EPC1: variants seen among roughly 807,000 people sequenced by gnomAD.
EPC1 encodes enhancer of polycomb homolog 1.
In EPC1, 12 loss-of-function variants were observed where a neutral mutation model predicts 98.4. The observed-to-expected ratio is 0.12, with a 90% CI of 0.08 to 0.20. The LOEUF is 0.20. Among genes scored for constraint, EPC1 ranks in the 10% least tolerant of loss-of-function variants. The pLI, the probability that EPC1 is intolerant of heterozygous loss-of-function variation, is 1.00. For missense variants in EPC1, 729 were observed against 990.5 expected, an observed-to-expected ratio of 0.74 and a Z score of 3.54; for synonymous variants, 357 against 363.9, an observed-to-expected ratio of 0.98 and a Z score of 0.21.
chr10:32,361,058 G>A (rs1839430651), intron 1 of EPC1, among the ~76,000 whole-genome samples: 1 of 152,186 alleles, frequency 6.6e-6, no homozygotes, highest in Admixed American at 6.5e-5. Context: ...GTGTGCTCTG[G>A]GCAGCCATCC....
chr10:32,345,298 G>C (rs913468240), intron 1 of EPC1: 1 of 985,290 alleles, frequency 1.0e-6, no homozygotes, highest in Non-Finnish European at 1.2e-6. Flanking sequence ...TATCTGTAAA[G>C]TTAGATTTAA....
upstream of EPC1, chr10:32,347,307 C>A (rs1196758645): frequency 6.2e-6 from 4 of 649,458 alleles, no homozygotes; most frequent in Admixed American, 5.6e-5. Flanking sequence ...CCTCGCTTCC[C>A]GCGCCTCGCT....
chr10:32,332,006 C>A (rs1837668401), intron 1 of EPC1, among the ~76,000 whole-genome samples: 1 of 152,174 alleles, frequency 6.6e-6, no homozygotes. Flanking sequence ...TATCTGATTG[C>A]CATTTTAGAA....
chr10:32,324,414 C>A (rs1837135724), intron 1 of EPC1, among the ~76,000 whole-genome samples: 1 of 151,162 alleles, frequency 6.6e-6, no homozygotes, highest in Non-Finnish European at 1.5e-5. Flanking sequence ...GCCTATAATC[C>A]CAGCTACTCA....
At position 32,326,277 on chromosome 10, in the gene EPC1, A is replaced by G. The variant is rs531889853; in HGVS notation, c.154-20346T>C. 2.0e-5 allele frequency among the ~76,000 whole-genome samples: 3 copies of G among 152,214 alleles called. No individual in the cohort carries two copies. In the East Asian group the frequency reaches 5.8e-4, roughly 29 times the overall value. ...GTGGCTGGGAGGGGTTAGGTGCCTA[A>G]TTCTGGCCAATTGTAAGTCAAAGTG... On this transcript the variant is annotated intron_variant, in intron 1 of 13. Coordinates refer to ENST00000319778, the MANE Select transcript of EPC1 (RefSeq NM_001272004.3).
At position 32,292,691 on chromosome 10, in the gene EPC1, TA is replaced by T. The variant is rs1834922624; in HGVS notation, c.667-48del. On this transcript the variant is annotated intron_variant, in intron 4 of 13. Coordinates refer to ENST00000319778, the MANE Select transcript of EPC1 (RefSeq NM_001272004.3). ...TTTAATGTTAGTAAGTATTTCTAAC[TA>T]GTGGTATAGTTATTGACCCATAAAA... is the stretch of plus-strand genomic sequence containing the variant. The T allele has an allele frequency of 8.4e-6, 13 of 1,544,490 alleles. No homozygotes were observed. In the East Asian group the frequency reaches 3.0e-4, roughly 35 times the overall value.
In EPC1 at chr10:32,293,180, C is replaced by G; in HGVS notation, c.474G>C (p.Gln158His). 1 of 1,611,678 alleles carries G rather than the reference C, an allele frequency of 6.2e-7. No homozygotes were observed. Among genetic ancestry groups the G allele is most frequent in the Non-Finnish European group, 8.5e-7 (1 of 1,178,748 alleles). The change falls in exon 4 of 14, where the codon CAG becomes CAC. Residue 158 changes from glutamine (Q) to histidine (H), a missense_variant. This residue lies in a region of EPC1 where 94 missense variants were observed against 125.1 expected (regional missense o/e 0.75). Transcript: ENST00000319778. ...CTTCTTTTAGCAGTAGTTTGGCTTC[C>G]TGCAGACTGACTGGCTAAATGTAAA... Reference protein sequence around the residue: ...KGSGQQPVSLQEAKLLLKEDD... With the variant: ...KGSGQQPVSLHEAKLLLKEDD...
intron 10 of EPC1, among the ~76,000 whole-genome samples, chr10:32,279,765 C>T (rs1483574433): frequency 2.6e-5 from 4 of 152,076 alleles, no homozygotes; most frequent in Admixed American, 6.6e-5. Flanking sequence ...CATAGTCAGT[C>T]ACTGAACACT....
chr10:32,335,262 C>T (rs910769566), intron 1 of EPC1, among the ~76,000 whole-genome samples: 11 of 152,148 alleles, frequency 7.2e-5, no homozygotes, highest in Admixed American at 7.2e-4. Context: ...CAGTACCACC[C>T]TGGCTCTCAT....
chr10:32,358,976 T>G (rs1203044208), intron 1 of EPC1, among the ~76,000 whole-genome samples: 1 of 152,214 alleles, frequency 6.6e-6, no homozygotes, highest in African/African-American at 2.4e-5. Context: ...AGGCTCACCA[T>G]GTATAGGCTC....
rs2490511 is a variant in EPC1 at position 32,345,929 on chromosome 10, G to A, written c.153+834C>T. Among the ~76,000 whole-genome samples, 1,120 of 152,264 alleles carry A rather than the reference G, an allele frequency of 7.4e-3. 13 individuals are homozygous for A. Among genetic ancestry groups the A allele is most frequent in the Non-Finnish European group, 0.013 (896 of 68,026 alleles). On this transcript the variant is annotated intron_variant, in intron 1 of 13. Transcript: ENST00000319778. Reference sequence around the variant, plus strand: ...GAACTTAAATTTATTTTACAAATAGGTAAGGTTACAGGCTTCAGAAGAGAG... The same window carrying A: ...GAACTTAAATTTATTTTACAAATAGATAAGGTTACAGGCTTCAGAAGAGAG...
intron 1 of EPC1, among the ~76,000 whole-genome samples, chr10:32,324,445 C>A (rs971272840): frequency 6.7e-6 from 1 of 150,298 alleles, no homozygotes; most frequent in Admixed American, 6.6e-5. Flanking sequence ...GCAGAAGAAT[C>A]GCTTGAACTC....
chr10:32,293,779 C>T (rs771389308), intron 2 of EPC1, 42 bp from the exon 3 acceptor site: 24 of 1,554,610 alleles, frequency 1.5e-5, no homozygotes, highest in Non-Finnish European at 2.0e-5. Context: ...TGTGTGAATT[C>T]ACCGACAAAA....
intron 10 of EPC1, chr10:32,283,590 T>C (rs2094463): frequency 0.63 from 95,169 of 152,128 alleles, 30,728 homozygotes; most frequent in Middle Eastern, 0.76. Flanking sequence ...ATTACAGGCA[T>C]GAGCCACCAT....
chr10:32,378,576 C>T (rs1455713327), exon 1 of EPC1: 6 of 994,448 alleles, frequency 6.0e-6, no homozygotes, highest in Admixed American at 2.5e-5. Context: ...GAAACAACAG[C>T]CTCCAGGCAG....
intron 1 of EPC1, among the ~76,000 whole-genome samples, chr10:32,344,902 G>C (rs746532865): frequency 2.6e-5 from 4 of 152,150 alleles, no homozygotes; most frequent in Non-Finnish European, 4.4e-5. Context: ...TAACTCTTGG[G>C]ACTGTCCAAA....
rs181253428 is a variant in EPC1 at position 32,272,926 on chromosome 10, G to A, written c.1863+237C>T. On this transcript the variant is annotated intron_variant, in intron 11 of 13. Coordinates refer to ENST00000319778, the MANE Select transcript of EPC1 (RefSeq NM_001272004.3). Reference sequence around the variant, plus strand: ...TACATTAATGGACTACAGGTCAGACGGGAAGACAGTATCTTCATCTCATTT... The same window carrying A: ...TACATTAATGGACTACAGGTCAGACAGGAAGACAGTATCTTCATCTCATTT... The A allele has an allele frequency of 2.9e-5, 32 of 1,095,436 alleles. No homozygotes were observed. The African/African-American group carries it at 3.0e-4, about 10-fold the overall frequency. The allele number at this position is 1,095,436 out of a possible 1,614,324, so 67.9% of individuals were successfully genotyped here. A position where few individuals can be genotyped will look rare whatever the true frequency, so the allele number is the denominator to read the frequency against.
At chr10:32,322,993 G>T (rs1032307118) in intron 1 of EPC1, among the ~76,000 whole-genome samples, 5 of 151,694 alleles carry the variant, frequency 3.3e-5, no homozygotes, top group Non-Finnish European at 5.9e-5. Context: ...AGTGGAACTG[G>T]AATGTTCCTA....
intron 1 of EPC1, among the ~76,000 whole-genome samples, chr10:32,368,173 CTTTA>C (rs1839653629): frequency 6.6e-6 from 1 of 152,214 alleles, no homozygotes; most frequent in Admixed American, 6.5e-5. Context: ...GTAGTTCTCT[CTTTA>C]TTTATCCCTT....
Sources: allele counts gnomAD v4.1 joint callset (sites outside exome capture counted in the v4.1 genomes callset), GRCh38; gene constraint gnomAD v4.1.1; regional missense constraint gnomAD v4.1.1; transcripts MANE v1.5; gene names NCBI Gene and HGNC (gene_info 2026-07-23, HGNC 2026-07-21).